RUNX2: variants seen among roughly 807,000 people sequenced by gnomAD.
The protein encoded by RUNX2 is runt-related transcription factor 2.
In RUNX2, 10 loss-of-function variants were observed where a neutral mutation model predicts 51.7. The observed-to-expected ratio is 0.19, with a 90% CI of 0.12 to 0.33. RUNX2 has a LOEUF of 0.33. RUNX2 is among the 10% of genes least tolerant of loss of function. The pLI, the probability that RUNX2 is intolerant of heterozygous loss-of-function variation, is 1.00. For synonymous variants in RUNX2, 276 were observed against 273.6 expected, an observed-to-expected ratio of 1.01 and a Z score of -0.09; for missense variants, 562 against 691.3, an observed-to-expected ratio of 0.81 and a Z score of 2.10.
chr6:45,465,648 GT>G (rs1240639791), intron 5 of RUNX2, among the ~76,000 whole-genome samples: 57 of 141,882 alleles, frequency 4.0e-4, no homozygotes, highest in Middle Eastern at 3.6e-3. Flanking sequence ...TTTCTTTTTG[GT>G]TTTTTTTTTT....
intron 7 of RUNX2, among the ~76,000 whole-genome samples, chr6:45,537,347 C>T (rs1197532040): frequency 6.6e-6 from 1 of 152,166 alleles, no homozygotes; most frequent in African/African-American, 2.4e-5. Context: ...AAAATGACCC[C>T]GAATCCCTGC....
intron 6 of RUNX2, among the ~76,000 whole-genome samples, chr6:45,499,953 C>T (rs1052203371): frequency 2.6e-5 from 4 of 152,134 alleles, no homozygotes; most frequent in African/African-American, 4.8e-5. Context: ...TGTACACCCA[C>T]GTGTATGCAT....
chr6:45,538,221 G>C (rs1338162411), intron 7 of RUNX2, among the ~76,000 whole-genome samples: 2 of 152,044 alleles, frequency 1.3e-5, no homozygotes, highest in Non-Finnish European at 2.9e-5. Flanking sequence ...CTGAATTCTG[G>C]CTTTTTTGAA....
In RUNX2 at chr6:45,536,864, C is replaced by A. The variant is rs1802052057; in HGVS notation, c.1022-8353C>A. ...CTACCTCAACCAGCATCTCTCTTCT[C>A]AGTTATGGTTTTTTTACAGAAGAGT... is the stretch of plus-strand genomic sequence containing the variant. On this transcript the variant is annotated intron_variant, in intron 7 of 8. Transcript: ENST00000647337. Among the ~76,000 whole-genome samples, 3 of 152,198 alleles carry A rather than the reference C, an allele frequency of 2.0e-5. No individual in the cohort carries two copies. In the South Asian group the frequency reaches 6.2e-4, roughly 32 times the overall value.
chr6:45,407,924 T>A (rs1251756898), intron 2 of RUNX2, among the ~76,000 whole-genome samples: 3 of 152,212 alleles, frequency 2.0e-5, no homozygotes, highest in African/African-American at 7.2e-5. Flanking sequence ...TTAAGCATCC[T>A]AAGTCCATGA....
At chr6:45,441,902 A>G (rs1798851123) in intron 5 of RUNX2, among the ~76,000 whole-genome samples, 1 of 152,206 alleles carries the variant, frequency 6.6e-6, no homozygotes, top group South Asian at 2.1e-4. Context: ...TCAAAAATCC[A>G]AAAGGTTTCA....
intron 5 of RUNX2, among the ~76,000 whole-genome samples, chr6:45,471,523 C>A (rs1168508835): frequency 2.6e-5 from 4 of 151,220 alleles, no homozygotes; most frequent in Non-Finnish European, 2.9e-5. Flanking sequence ...CGGCTCACTG[C>A]AAGCTCCGCC....
chr6:45,542,307 C>T (rs951614571), intron 7 of RUNX2, among the ~76,000 whole-genome samples: 3 of 152,056 alleles, frequency 2.0e-5, no homozygotes, highest in Non-Finnish European at 2.9e-5. Flanking sequence ...TATTTGTGCT[C>T]CATGGAAATG....
intron 5 of RUNX2, among the ~76,000 whole-genome samples, chr6:45,453,709 G>A (rs1003493439): frequency 1.3e-5 from 2 of 152,218 alleles, no homozygotes; most frequent in Non-Finnish European, 2.9e-5. Flanking sequence ...GGGAACAAAA[G>A]TGGATGGTTT....
chr6:45,522,430 G>C (rs1283908551), intron 7 of RUNX2, among the ~76,000 whole-genome samples: 1 of 149,810 alleles, frequency 6.7e-6, no homozygotes, highest in Non-Finnish European at 1.5e-5. Context: ...TCTGCATTAG[G>C]AAATTAAAAA....
At chr6:45,347,349 T>C (rs370347752) in intron 2 of RUNX2, among the ~76,000 whole-genome samples, 35 of 152,330 alleles carry the variant, frequency 2.3e-4, no homozygotes, top group African/African-American at 8.2e-4. Flanking sequence ...TATTTCCTTC[T>C]TTCTCAAGTT....
At chr6:45,462,865 A>G (rs1303088537) in intron 5 of RUNX2, among the ~76,000 whole-genome samples, 5 of 152,340 alleles carry the variant, frequency 3.3e-5, no homozygotes, top group South Asian at 2.1e-4. Flanking sequence ...GGCATCATCA[A>G]TTACCACAGT....
intron 2 of RUNX2, among the ~76,000 whole-genome samples, chr6:45,413,192 T>C (rs1052277316): frequency 1.3e-5 from 2 of 152,220 alleles, no homozygotes; most frequent in African/African-American, 4.8e-5. Flanking sequence ...GTGTTTGCAA[T>C]GTATTTAAAT....
At chr6:45,387,152 TA>T (rs1268025434) in intron 2 of RUNX2, among the ~76,000 whole-genome samples, 2 of 152,176 alleles carry the variant, frequency 1.3e-5, no homozygotes, top group Non-Finnish European at 2.9e-5. Flanking sequence ...GGAACTCAAG[TA>T]TCATTCCAAG....
chr6:45,402,185 T>C (rs1797727368), intron 2 of RUNX2, among the ~76,000 whole-genome samples: 1 of 152,266 alleles, frequency 6.6e-6, no homozygotes, highest in Non-Finnish European at 1.5e-5. Context: ...AAGTATTTCT[T>C]ACCTCTTTTA....
intron 3 of RUNX2, among the ~76,000 whole-genome samples, chr6:45,431,244 T>G (rs1052490615): frequency 3.3e-5 from 5 of 152,178 alleles, no homozygotes; most frequent in African/African-American, 1.2e-4. Context: ...CACCTTCAGT[T>G]TCTTGATGAC....
chr6:45,350,375 A>G (rs1303899941), intron 2 of RUNX2, among the ~76,000 whole-genome samples: 1 of 152,228 alleles, frequency 6.6e-6, no homozygotes, highest in East Asian at 1.9e-4. Context: ...AATAAAATAC[A>G]AGGAATTTGC....
chr6:45,431,220 T>C (rs925814226), intron 3 of RUNX2, among the ~76,000 whole-genome samples: 1 of 152,206 alleles, frequency 6.6e-6, no homozygotes, highest in Non-Finnish European at 1.5e-5. Flanking sequence ...TTCTTATTTA[T>C]CATCAATTAT....
At chr6:45,419,566 GTC>G (rs900878393) in intron 2 of RUNX2, among the ~76,000 whole-genome samples, 8 of 152,168 alleles carry the variant, frequency 5.3e-5, no homozygotes, top group African/African-American at 1.9e-4. Flanking sequence ...AATGGATGCA[GTC>G]TCTCTCTCTC....
Sources: allele counts gnomAD v4.1 joint callset (sites outside exome capture counted in the v4.1 genomes callset), GRCh38; gene constraint gnomAD v4.1.1; transcripts MANE v1.5; gene names NCBI Gene and HGNC (gene_info 2026-07-23, HGNC 2026-07-21).